The following DDX21 variants were observed in gnomAD, a reference collection of about 807,000 sequenced individuals.
DDX21 encodes DExD-box helicase 21, also known as nucleolar RNA helicase 2.
Under a neutral mutation model 90.0 loss-of-function variants are expected in DDX21, and 18 were observed. That is an observed-to-expected ratio of 0.20 (90% confidence interval 0.14 to 0.30). The LOEUF is 0.30. Among genes scored for constraint, DDX21 ranks in the 10% least tolerant of loss-of-function variants. DDX21 has a pLI of 1.00. For missense variants in DDX21, 673 were observed against 944.5 expected (o/e 0.71, Z 3.77); for synonymous variants, 294 against 318.0 (o/e 0.92, Z 0.80).
chr10:68,964,274 C>G lies in DDX21; in HGVS notation c.786+805C>G, dbSNP rs143402345. On this transcript the variant is annotated intron_variant, in intron 4 of 14. Transcript: ENST00000354185. ...GCGAATGCCCATGTAGTCACTTTGG[C>G]TGTGGGTTCTTGCAGTTGTCTTTCT... Among the ~76,000 whole-genome samples, 14 of 152,248 alleles carry G rather than the reference C, an allele frequency of 9.2e-5. No individual in the cohort carries two copies. The East Asian group carries it at 2.7e-3, about 29-fold the overall frequency.
chr10:68,960,896 A>G lies in DDX21; in HGVS notation c.531+647A>G, dbSNP rs368208808. ...TTGCAAGTCAGTCAACAGAAGAGAT[A>G]CAGTTTTGTAAATGGGCCCTAGTTT... On this transcript the variant is annotated intron_variant, in intron 2 of 14. Transcript: ENST00000354185. Among the ~76,000 whole-genome samples the G allele has an allele frequency of 3.9e-5, 6 of 152,254 alleles. No individual in the cohort carries two copies. In the East Asian group the frequency reaches 7.7e-4, roughly 20 times the overall value.
chr10:68,974,870 G>A, intron 11 of DDX21, 127 bp downstream of exon 11: 2 of 658,740 alleles, frequency 3.0e-6, no homozygotes, highest in South Asian at 2.1e-5. Context: ...GTCTCACTAT[G>A]TTGCCCAGGC....
At chr10:68,981,194 C>T (rs1843185271) in intron 13 of DDX21, among the ~76,000 whole-genome samples, 1 of 152,162 alleles carries the variant, frequency 6.6e-6, no homozygotes, top group Non-Finnish European at 1.5e-5. Context: ...GCTGTGGGGC[C>T]TTAGACAAGT....
intron 11 of DDX21, 97 bp from the exon 12 acceptor site, chr10:68,977,432 A>G: frequency 1.7e-6 from 2 of 1,170,536 alleles, no homozygotes; most frequent in Non-Finnish European, 2.4e-6. Context: ...TACACATGTG[A>G]AAGATTTGGA....
At chr10:68,959,259 C>T (rs549675771) in intron 1 of DDX21, among the ~76,000 whole-genome samples, 6 of 152,100 alleles carry the variant, frequency 3.9e-5, no homozygotes, top group Admixed American at 6.6e-5. Context: ...TTTGGGAGGC[C>T]GGAGTGGGTG....
rs200048666 is a variant in DDX21 at position 68,974,825 on chromosome 10, T to TAA, written c.1742+88_1742+89dup. On this transcript the variant is annotated intron_variant, in intron 11 of 14. Transcript: ENST00000354185. ...CTTTGTACAGTAATAAGATTTGACT[T>TAA]AAAAAAATTTTTTTTTTAAAATTTT... is the stretch of plus-strand genomic sequence containing the variant. 5,056 of 1,243,578 alleles carry TAA rather than the reference T, an allele frequency of 4.1e-3. 27 individuals are homozygous for TAA. The highest frequency in any genetic ancestry group is 0.015 in the Middle Eastern group (80 of 5,164). The allele number at this position is 1,243,578 out of a possible 1,614,324, so 77.0% of individuals were successfully genotyped here.
At position 68,983,258 on chromosome 10, in the gene DDX21, C is replaced by T. The variant is rs74139956; in HGVS notation, c.*446C>T. 7.5e-4 allele frequency: 133 copies of T among 178,184 alleles called. No homozygotes were observed. Among genetic ancestry groups the T allele is most frequent in the African/African-American group, 2.9e-3 (123 of 42,320 alleles). The allele number at this position is 178,184 out of a possible 1,614,324, so 11.0% of individuals were successfully genotyped here. On this transcript the variant is annotated 3_prime_UTR_variant, in exon 15 of 15. Coordinates refer to ENST00000354185, the MANE Select transcript of DDX21 (RefSeq NM_004728.4). ...AAGGTTTCCTCAGCCACCTGCCGAA[C>T]AGTTTCTCATGTGGTCCTATTATTT...
At position 68,970,418 on chromosome 10, in the gene DDX21, T is replaced by C. The variant is rs550948000; in HGVS notation, c.1386+68T>C. 39 of 1,470,852 alleles carry C rather than the reference T, an allele frequency of 2.7e-5. No individual in the cohort carries two copies. In the African/African-American group the frequency reaches 3.7e-4, roughly 14 times the overall value. The allele number at this position is 1,470,852 out of a possible 1,614,324, so 91.1% of individuals were successfully genotyped here. On this transcript the variant is annotated intron_variant, in intron 8 of 14. Coordinates refer to ENST00000354185, the MANE Select transcript of DDX21 (RefSeq NM_004728.4). ...AAATCTTCACCTTGGGCATATCTGC[T>C]CTTGGTCTGATTTTCATTCATTCAG...
intron 1 of DDX21, among the ~76,000 whole-genome samples, chr10:68,958,544 C>T (rs1369013281): frequency 6.7e-6 from 1 of 148,650 alleles, no homozygotes; most frequent in Non-Finnish European, 1.5e-5. Context: ...TCAAGCAGTT[C>T]TCCTGCCTCA....
At chr10:68,960,942 A>G (rs1409506427) in intron 2 of DDX21, among the ~76,000 whole-genome samples, 1 of 152,188 alleles carries the variant, frequency 6.6e-6, no homozygotes, top group African/African-American at 2.4e-5. Context: ...GGTTTAACCA[A>G]ATAAATTATT....
chr10:68,964,142 G>C, intron 4 of DDX21: 1 of 409,888 alleles, frequency 2.4e-6, no homozygotes, highest in Admixed American at 3.0e-5. Context: ...ATGGAAAGAA[G>C]GGCAAGTCAG....
chr10:68,974,828 A>AC, intron 11 of DDX21, 85 bp downstream of exon 11: 3 of 1,236,032 alleles, frequency 2.4e-6, no homozygotes, highest in Non-Finnish European at 3.4e-6. Flanking sequence ...TTTGACTTAA[A>AC]AAAATTTTTT....
intron 6 of DDX21, among the ~76,000 whole-genome samples, chr10:68,967,670 C>G (rs1470930977): frequency 1.3e-5 from 2 of 152,010 alleles, no homozygotes; most frequent in Non-Finnish European, 2.9e-5. Flanking sequence ...CTTCTGTCAT[C>G]TTGATGTGGT....
chr10:68,983,088 A>G lies in DDX21; in HGVS notation c.*276A>G, dbSNP rs1843218840. 2.2e-6 allele frequency: 1 copy of G among 453,328 alleles called. No homozygotes were observed. The highest frequency in any genetic ancestry group is 2.0e-5 in the African/African-American group (1 of 51,014). The allele number at this position is 453,328 out of a possible 1,614,324, so 28.1% of individuals were successfully genotyped here. On this transcript the variant is annotated 3_prime_UTR_variant, in exon 15 of 15. Coordinates refer to ENST00000354185, the MANE Select transcript of DDX21 (RefSeq NM_004728.4). Reference sequence around the variant, plus strand: ...TAATGTATTATCTGTAGATTAGAAGATAAAATCAAGCATGTATCTGCCTAT... The same window carrying G: ...TAATGTATTATCTGTAGATTAGAAGGTAAAATCAAGCATGTATCTGCCTAT...
intron 12 of DDX21, among the ~76,000 whole-genome samples, 195 bp downstream of exon 12, chr10:68,977,883 G>A (rs1389422764): frequency 2.0e-5 from 3 of 152,070 alleles, no homozygotes; most frequent in Non-Finnish European, 4.4e-5. Flanking sequence ...ACAGGCAGGA[G>A]GATGGCTTGA....
chr10:68,975,426 A>G (rs918903376), intron 11 of DDX21, among the ~76,000 whole-genome samples: 5 of 152,224 alleles, frequency 3.3e-5, no homozygotes, highest in Admixed American at 3.3e-4. Context: ...CAGGGTAAGT[A>G]GGGTTGGCAT....
intron 1 of DDX21, chr10:68,956,575 TAGAG>T (rs1329546339): frequency 2.3e-6 from 3 of 1,296,094 alleles, no homozygotes; most frequent in Admixed American, 6.5e-5. Context: ...GGAACTCTGG[TAGAG>T]AGGCCCTGTT....
chr10:68,982,742 G>A lies in DDX21; in HGVS notation c.2282G>A (p.Gly761Asp), dbSNP rs377693284. 16 of 1,614,000 alleles carry A rather than the reference G, an allele frequency of 9.9e-6. No homozygotes were observed. The Middle Eastern group carries it at 4.9e-4, about 50-fold the overall frequency. The change falls in exon 15 of 15, where the codon GGT (glycine) becomes GAT (aspartate). Residue 761 changes from glycine to aspartate, a missense_variant. Physicochemically the swap from Gly to Asp is moderately conservative, Grantham distance 94. This residue lies in a region of DDX21 where 225 missense variants were observed against 298.8 expected (regional missense o/e 0.75). Transcript: ENST00000354185. ...GGCCCGAGAGGACAGCGATCAGGAGGTGGCAACAAAAGTAACAGATCCCAA... is the reference window on the plus strand; with the variant it reads ...GGCCCGAGAGGACAGCGATCAGGAGATGGCAACAAAAGTAACAGATCCCAA... ...SRGPRGQRSG[G>D]GNKSNRSQNK...
intron 13 of DDX21, among the ~76,000 whole-genome samples, chr10:68,981,132 A>G (rs1402427058): frequency 6.6e-6 from 1 of 152,326 alleles, no homozygotes; most frequent in South Asian, 2.1e-4. Flanking sequence ...AGTTTAGACT[A>G]TAGGTTTTAG....
Sources: gnomAD v4.1 joint callset for allele counts (sites outside exome capture counted in the v4.1 genomes callset) on GRCh38, gnomAD v4.1.1 for gene constraint, gnomAD v4.1.1 regional missense constraint, MANE v1.5 for transcripts, NCBI Gene and HGNC (gene_info 2026-07-23, HGNC 2026-07-21) for gene names.